SDK1: variants seen among roughly 807,000 people sequenced by gnomAD.
SDK1 encodes protein sidekick-1.
Under a neutral mutation model 245.5 loss-of-function variants are expected in SDK1, and 157 were observed. The observed-to-expected ratio is 0.64, with a 90% CI of 0.56 to 0.73. SDK1 has a LOEUF of 0.73. Ranked by LOEUF, SDK1 falls within the 30% of genes least tolerant of loss-of-function variation. The pLI is 0.00. For missense variants in SDK1, 3,583 were observed against 3,002.3 expected, an observed-to-expected ratio of 1.19 and a Z score of -4.52; for synonymous variants, 1,647 against 1,278.5, an observed-to-expected ratio of 1.29 and a Z score of -6.15.
intron 1 of SDK1, among the ~76,000 whole-genome samples, chr7:3,542,748 T>C (rs1471502900): frequency 6.6e-6 from 1 of 152,218 alleles, no homozygotes; most frequent in Admixed American, 6.5e-5. Flanking sequence ...GTTTTATTCT[T>C]TGATTACTAG....
At chr7:3,438,363 G>C (rs1000185054) in intron 1 of SDK1, among the ~76,000 whole-genome samples, 1 of 152,182 alleles carries the variant, frequency 6.6e-6, no homozygotes, top group Non-Finnish European at 1.5e-5. Flanking sequence ...AGAATATGCT[G>C]TGTATTCGAA....
At chr7:3,827,257 A>G (rs1420254125) in intron 5 of SDK1, among the ~76,000 whole-genome samples, 1 of 152,188 alleles carries the variant, frequency 6.6e-6, no homozygotes. Flanking sequence ...TCCAAGGCGT[A>G]GGCAGGCATG....
intron 5 of SDK1, among the ~76,000 whole-genome samples, chr7:3,929,386 T>C (rs983692754): frequency 6.6e-6 from 1 of 152,118 alleles, no homozygotes; most frequent in Non-Finnish European, 1.5e-5. Context: ...TTTGGCGGGG[T>C]TGCTTATGTC....
intron 17 of SDK1, among the ~76,000 whole-genome samples, chr7:4,021,115 T>C (rs956097335): frequency 6.6e-6 from 1 of 152,098 alleles, no homozygotes; most frequent in African/African-American, 2.4e-5. Context: ...TGCAGAGTTG[T>C]GGGAAGGGCC....
At chr7:3,772,641 T>C (rs530969242) in intron 4 of SDK1, among the ~76,000 whole-genome samples, 3 of 152,330 alleles carry the variant, frequency 2.0e-5, no homozygotes, top group Admixed American at 1.3e-4. Context: ...CTTTTACAAT[T>C]GCTTATGTAT....
At chr7:4,215,861 C>G (rs1473227836) in intron 38 of SDK1, among the ~76,000 whole-genome samples, 1 of 152,218 alleles carries the variant, frequency 6.6e-6, no homozygotes, top group Admixed American at 6.5e-5. Flanking sequence ...TGCTCCACTC[C>G]TCACCGTGGT....
At chr7:3,392,051 GCACCTGTGTAC>G (rs1240925689) in intron 1 of SDK1, among the ~76,000 whole-genome samples, 3 of 151,120 alleles carry the variant, frequency 2.0e-5, no homozygotes, top group Non-Finnish European at 2.9e-5. Context: ...ACAAATAAAT[GCACCTGTGTAC>G]CACATTCATG....
At chr7:4,118,762 T>A (rs1783880237) in intron 25 of SDK1, among the ~76,000 whole-genome samples, 2 of 149,232 alleles carry the variant, frequency 1.3e-5, no homozygotes. Flanking sequence ...AATGGAATTC[T>A]GATACATGCT....
chr7:3,988,175 A>G (rs936927203), intron 14 of SDK1, among the ~76,000 whole-genome samples: 1 of 95,126 alleles, frequency 1.1e-5, no homozygotes, highest in Non-Finnish European at 2.0e-5. Flanking sequence ...TCCTGCAGCC[A>G]CCCAAATCTC....
rs1402380064 is a variant in SDK1 at position 4,031,002 on chromosome 7, C to CATACAT, written c.2602+13652_2602+13657dup. On this transcript the variant is annotated intron_variant, in intron 17 of 44. Transcript: ENST00000404826. Reference sequence around the variant, plus strand: ...ACCAGGTTTCATAACAGTAGGCCCCCATACATACACATTCACATACATGCG... The same window carrying CATACAT: ...ACCAGGTTTCATAACAGTAGGCCCCCATACATATACATACACATTCACATACATGCG... Among the ~76,000 whole-genome samples the CATACAT allele has an allele frequency of 3.9e-5, 6 of 152,130 alleles. No individual in the cohort carries two copies. In the East Asian group the frequency reaches 1.2e-3, roughly 29 times the overall value.
chr7:3,489,633 T>G (rs1233409953), intron 1 of SDK1, among the ~76,000 whole-genome samples: 1 of 152,158 alleles, frequency 6.6e-6, no homozygotes, highest in Non-Finnish European at 1.5e-5. Context: ...AGCTACCCAG[T>G]TTGTTTTTAT....
intron 1 of SDK1, among the ~76,000 whole-genome samples, chr7:3,477,743 G>A (rs1294623947): frequency 6.6e-6 from 1 of 151,938 alleles, no homozygotes; most frequent in African/African-American, 2.4e-5. Context: ...CGAACCTCTA[G>A]CTTAAAGTGA....
chr7:4,173,058 G>A (rs751002773), intron 32 of SDK1, among the ~76,000 whole-genome samples: 1 of 152,240 alleles, frequency 6.6e-6, no homozygotes, highest in Non-Finnish European at 1.5e-5. Flanking sequence ...GTGCAGCAAA[G>A]CTGTGGCTCC....
At chr7:3,384,747 G>A (rs1448988328) in intron 1 of SDK1, among the ~76,000 whole-genome samples, 2 of 152,174 alleles carry the variant, frequency 1.3e-5, no homozygotes, top group African/African-American at 4.8e-5. Context: ...GTGTACATAT[G>A]TATATAAATA....
At chr7:3,436,642 A>G (rs1332554501) in intron 1 of SDK1, among the ~76,000 whole-genome samples, 2 of 152,224 alleles carry the variant, frequency 1.3e-5, no homozygotes, top group African/African-American at 4.8e-5. Context: ...GTTCTTGGCT[A>G]TGAACCATGT....
In SDK1 at chr7:4,265,807, C is replaced by A; in HGVS notation, c.*423C>A. 2 of 1,003,198 alleles carry A rather than the reference C, an allele frequency of 2.0e-6. No homozygotes were observed. Among genetic ancestry groups the A allele is most frequent in the Non-Finnish European group, 2.4e-6 (2 of 843,146 alleles). The allele number at this position is 1,003,198 out of a possible 1,614,324, so 62.1% of individuals were successfully genotyped here. A position where few individuals can be genotyped will look rare whatever the true frequency, so the allele number is the denominator to read the frequency against. ...CGGCCCCCGTCTCTTTCTACCTCCTCTTCCAGAGAACCAGCGGCTCACACC... is the reference window on the plus strand; with the variant it reads ...CGGCCCCCGTCTCTTTCTACCTCCTATTCCAGAGAACCAGCGGCTCACACC... On this transcript the variant is annotated 3_prime_UTR_variant, in exon 45 of 45. Coordinates refer to ENST00000404826, the MANE Select transcript of SDK1 (RefSeq NM_152744.4).
At chr7:3,674,817 T>A (rs1485639946) in intron 4 of SDK1, among the ~76,000 whole-genome samples, 1 of 152,118 alleles carries the variant, frequency 6.6e-6, no homozygotes, top group Non-Finnish European at 1.5e-5. Context: ...ATCCACAAGA[T>A]TGGCTCTGTG....
At chr7:4,199,367 C>T (rs1046092237) in intron 35 of SDK1, among the ~76,000 whole-genome samples, 1 of 152,140 alleles carries the variant, frequency 6.6e-6, no homozygotes, top group Non-Finnish European at 1.5e-5. Flanking sequence ...CTTTGTTTAT[C>T]ATAACAGTGG....
chr7:3,679,715 C>T (rs1222909375), intron 4 of SDK1, among the ~76,000 whole-genome samples: 4 of 152,190 alleles, frequency 2.6e-5, no homozygotes, highest in South Asian at 2.1e-4. Context: ...TCACTTCCTA[C>T]CTATCAGAAT....
Sources: gnomAD v4.1 joint callset for allele counts (sites outside exome capture counted in the v4.1 genomes callset) on GRCh38, gnomAD v4.1.1 for gene constraint, MANE v1.5 for transcripts, NCBI Gene and HGNC (gene_info 2026-07-23, HGNC 2026-07-21) for gene names.